The following ZNF695 variants were observed in gnomAD, a reference collection of about 807,000 sequenced individuals.
ZNF695 encodes the protein zinc finger protein 695.
Under a neutral mutation model 11.2 loss-of-function variants are expected in ZNF695, and 11 were observed. That is an observed-to-expected ratio of 0.98 (90% CI 0.62 to 1.62). The LOEUF (loss-of-function observed/expected upper bound fraction) is 1.62. Ranked by LOEUF, ZNF695 falls within the 40% of genes most tolerant of loss-of-function variation. The pLI, the probability that ZNF695 is intolerant of heterozygous loss-of-function variation, is 0.00. For synonymous variants in ZNF695, 190 were observed against 201.4 expected (o/e 0.94, Z 0.48); for missense variants, 559 against 590.5 (o/e 0.95, Z 0.55).
chr1:246,968,264 G>C (rs1668338171), intron 4 of ZNF695: 1 of 152,272 alleles, frequency 6.6e-6, no homozygotes, highest in Non-Finnish European at 1.5e-5. Flanking sequence ...AGGGGTTACA[G>C]GCCCCATGCA....
intron 3 of ZNF695, among the ~76,000 whole-genome samples, chr1:246,990,430 A>G (rs12563635): frequency 0.6 from 91,153 of 151,970 alleles, 29,400 homozygotes; most frequent in East Asian, 0.98. Context: ...ACAATTGTAA[A>G]TATATATTTA....
At chr1:246,965,853 T>C (rs1668276878) in intron 5 of ZNF695, among the ~76,000 whole-genome samples, 1 of 152,056 alleles carries the variant, frequency 6.6e-6, no homozygotes, top group African/African-American at 2.4e-5. Context: ...CCTCCATAAC[T>C]GTAAAAAATA....
At chr1:246,959,846 C>T (rs191150290) in intron 5 of ZNF695, among the ~76,000 whole-genome samples, 7 of 152,294 alleles carry the variant, frequency 4.6e-5, no homozygotes, top group African/African-American at 1.2e-4. Context: ...TCTCCCTCTC[C>T]GTGGCGGTTC....
At chr1:246,972,168 T>G (rs1195538126) in intron 4 of ZNF695, among the ~76,000 whole-genome samples, 1 of 152,228 alleles carries the variant, frequency 6.6e-6, no homozygotes, top group Admixed American at 6.5e-5. Flanking sequence ...CTCTTGCCAC[T>G]GACTGCCGAC....
intron 1 of ZNF695, among the ~76,000 whole-genome samples, chr1:247,006,086 A>G (rs1291815272): frequency 6.6e-6 from 1 of 151,792 alleles, no homozygotes; most frequent in Non-Finnish European, 1.5e-5. Flanking sequence ...TTAGCCAGGC[A>G]TAGTGGCACA....
intron 1 of ZNF695, among the ~76,000 whole-genome samples, chr1:247,000,333 C>T (rs1669327786): frequency 6.6e-6 from 1 of 152,022 alleles, no homozygotes. Context: ...GGTGAAACCC[C>T]ATCTCTGCTA....
intron 5 of ZNF695, among the ~76,000 whole-genome samples, chr1:246,952,712 T>C (rs1184092132): frequency 6.6e-6 from 1 of 151,896 alleles, no homozygotes; most frequent in Non-Finnish European, 1.5e-5. Context: ...ATGCTGGTGT[T>C]ATGCTTCCTT....
intron 1 of ZNF695, among the ~76,000 whole-genome samples, chr1:247,007,579 C>G (rs1278880433): frequency 1.3e-5 from 2 of 151,924 alleles, no homozygotes; most frequent in African/African-American, 4.8e-5. Flanking sequence ...GGAGTCGGGA[C>G]TCTCCCGACA....
chr1:246,987,644 T>C lies in ZNF695; in HGVS notation c.871A>G (p.Thr291Ala), dbSNP rs867754502. Residue 291 changes from threonine to alanine, a missense_variant, in exon 4 of 4, where the codon ACT (threonine) becomes GCT (alanine). Transcript: ENST00000339986. ...TCACATTTGTATGGTTTCTCTCCAG[T>C]ATGAATTTTCTTATGTTTAGTAAGA... The part of the protein sequence containing the change: ...SVLTKHKKIH[T>A]GEKPYKCEEC... 1 of 1,603,626 alleles carries C rather than the reference T, an allele frequency of 6.2e-7. No individual in the cohort carries two copies. The highest frequency in any genetic ancestry group is 8.5e-7 in the Non-Finnish European group (1 of 1,176,238).
intron 4 of ZNF695, among the ~76,000 whole-genome samples, chr1:246,978,058 A>C (rs1668613536): frequency 6.6e-6 from 1 of 152,246 alleles, no homozygotes; most frequent in Non-Finnish European, 1.5e-5. Context: ...CTCATGGAGC[A>C]GAACACTATC....
intron 5 of ZNF695, among the ~76,000 whole-genome samples, chr1:246,950,854 A>T (rs969952265): frequency 3.3e-5 from 5 of 152,100 alleles, no homozygotes; most frequent in Non-Finnish European, 7.4e-5. Context: ...TCCTCCTAGG[A>T]TGACTGTGAA....
At chr1:246,972,950 T>C (rs983291812) in intron 4 of ZNF695, among the ~76,000 whole-genome samples, 8 of 143,664 alleles carry the variant, frequency 5.6e-5, no homozygotes, top group South Asian at 2.2e-4. Context: ...TATATATATA[T>C]ACTATATAAA....
rs1230143939 is a variant in ZNF695, at chr1:246,987,980, T to C, written c.535A>G (p.Thr179Ala). 1.2e-5 allele frequency: 20 copies of C among 1,605,464 alleles called. No individual in the cohort carries two copies. Among genetic ancestry groups the C allele is most frequent in the Non-Finnish European group, 1.7e-5 (20 of 1,177,410 alleles). ...ANLNKCKISH[T>A]GEKPFKCKEC... ...TTGCATTTGAATGGTTTTTCTCCAG[T>C]ATGGCTTATCTTACATTTATTTAGA... is the stretch of plus-strand genomic sequence containing the variant. The change falls in exon 4 of 4, where the codon ACT becomes GCT. Residue 179 changes from threonine (T) to alanine (A), a missense_variant. By Grantham distance (58) the Thr-to-Ala change is moderately conservative (BLOSUM62 0). Coordinates refer to ENST00000339986, the MANE Select transcript of ZNF695 (RefSeq NM_020394.5).
At chr1:246,968,947 C>G (rs533099652) in intron 4 of ZNF695, 2 of 152,434 alleles carry the variant, frequency 1.3e-5, no homozygotes, top group African/African-American at 4.8e-5. Flanking sequence ...TCCTAGGCCT[C>G]CAGGCCTGTG....
intron 5 of ZNF695, among the ~76,000 whole-genome samples, chr1:246,965,537 G>A (rs1668267639): frequency 6.6e-6 from 1 of 152,034 alleles, no homozygotes; most frequent in Non-Finnish European, 1.5e-5. Flanking sequence ...AGGAGTTCAA[G>A]ACCAGCCTGG....
At chr1:246,969,435 C>T (rs1668370007) in intron 4 of ZNF695, 1 of 152,380 alleles carries the variant, frequency 6.6e-6, no homozygotes, top group Admixed American at 6.5e-5. Flanking sequence ...CTTCATTGTC[C>T]ATATCACCAT....
At chr1:246,952,535 T>C (rs530754545) in intron 5 of ZNF695, among the ~76,000 whole-genome samples, 2 of 145,268 alleles carry the variant, frequency 1.4e-5, no homozygotes, top group South Asian at 4.4e-4. Flanking sequence ...AATAATGTTA[T>C]GCTTCTTCTT....
At chr1:246,961,328 G>T (rs1668158205) in intron 5 of ZNF695, among the ~76,000 whole-genome samples, 1 of 152,098 alleles carries the variant, frequency 6.6e-6, no homozygotes, top group Non-Finnish European at 1.5e-5. Context: ...ATCTTATATT[G>T]CTACCTATTA....
chr1:246,996,826 C>G (rs1471545225), intron 3 of ZNF695, among the ~76,000 whole-genome samples: 2 of 152,034 alleles, frequency 1.3e-5, no homozygotes, highest in African/African-American at 4.8e-5. Context: ...TGAAACAGAT[C>G]CTTAAAAAAT....
Sources: gnomAD v4.1 joint callset for allele counts (sites outside exome capture counted in the v4.1 genomes callset) on GRCh38, gnomAD v4.1.1 for gene constraint, MANE v1.5 for transcripts, NCBI Gene and HGNC (gene_info 2026-07-23, HGNC 2026-07-21) for gene names.